SHISA8: variants seen among roughly 807,000 people sequenced by gnomAD.
SHISA8 encodes the protein protein shisa-8.
Under a neutral mutation model 21.1 loss-of-function variants are expected in SHISA8, and 21 were observed. The ratio of observed to expected loss-of-function variants is 0.99; its 90% CI spans 0.71 to 1.43. SHISA8 has a LOEUF of 1.43. SHISA8 is among the 40% of genes most tolerant of loss of function. The probability of loss-of-function intolerance (pLI) is 0.00; values close to 1 mark genes in which losing one functional copy is unlikely to be tolerated. For synonymous variants in SHISA8, 300 were observed against 291.4 expected (o/e 1.03, Z -0.30); for missense variants, 535 against 599.1 (o/e 0.89, Z 1.12).
At position 41,910,280 on chromosome 22, in the gene SHISA8, G is replaced by A; in HGVS notation, c.811+128C>T. The A allele has an allele frequency of 8.1e-7, 1 of 1,228,842 alleles. No individual in the cohort carries two copies. The allele number at this position is 1,228,842 out of a possible 1,614,324, so 76.1% of individuals were successfully genotyped here. A position where few individuals can be genotyped will look rare whatever the true frequency, so the allele number is the denominator to read the frequency against. ...CGGGGGCGGGGCCCGCTGGGGCGAG[G>A]GAGCCGATTGGCCGAGCGGCGGGCG... is the stretch of plus-strand genomic sequence containing the variant. On this transcript the variant is annotated intron_variant, in intron 3 of 3. Coordinates refer to ENST00000621082, the MANE Select transcript of SHISA8 (RefSeq NM_001207020.3). The surrounding 1 kb of genome is among the most constrained non-coding windows in gnomAD (Gnocchi z 6.8).
At chr22:41,912,184 G>T (rs1273272993) in intron 1 of SHISA8, among the ~76,000 whole-genome samples, 1 of 152,214 alleles carries the variant, frequency 6.6e-6, no homozygotes. Flanking sequence ...GGACCCACAG[G>T]CTGTGTGACC....
At position 41,910,590 on chromosome 22, in the gene SHISA8, C is replaced by A; in HGVS notation, c.665-36G>T. ...GAGTGAGACGCGGCTCGGTCCGATG[C>A]CCCGGTTCACTCCGCCCTCGCTGTC... On this transcript the variant is annotated intron_variant, in intron 2 of 3. Coordinates refer to ENST00000621082, the MANE Select transcript of SHISA8 (RefSeq NM_001207020.3). This position sits in a 1 kb window ranked among gnomAD's most constrained non-coding sequence, Gnocchi z 6.8. 3 of 1,218,204 alleles carry A rather than the reference C, an allele frequency of 2.5e-6. No individual in the cohort carries two copies. The highest frequency in any genetic ancestry group is 3.1e-6 in the Non-Finnish European group (3 of 978,612). The allele number at this position is 1,218,204 out of a possible 1,614,324, so 75.5% of individuals were successfully genotyped here.
At chr22:41,912,549 G>C (rs955555685) in intron 1 of SHISA8, among the ~76,000 whole-genome samples, 1 of 152,058 alleles carries the variant, frequency 6.6e-6, no homozygotes, top group Non-Finnish European at 1.5e-5. Context: ...TAACCACCAC[G>C]CCTCTGGGCC....
chr22:41,914,528 G>C lies in SHISA8; in HGVS notation c.140C>G (p.Ala47Gly). The change falls in exon 1 of 4, where the codon GCG becomes GGG. Residue 47 changes from alanine (A) to glycine (G), a missense_variant. Physicochemically the swap from Ala to Gly is moderately conservative, Grantham distance 60. Transcript: ENST00000621082. The surrounding 1 kb of genome is among the most constrained non-coding windows in gnomAD (Gnocchi z 6.8). Reference sequence around the variant, plus strand: ...CTCCGGGGCTGTCGTGCCGGGCGCCGCGGGACCCTGCGCCTCGGGGGCTCC... The same window carrying C: ...CTCCGGGGCTGTCGTGCCGGGCGCCCCGGGACCCTGCGCCTCGGGGGCTCC... The part of the protein sequence containing the change: ...RAGAPEAQGP[A>G]APGTTAPEGG... 1 of 1,206,442 alleles carries C rather than the reference G, an allele frequency of 8.3e-7. No homozygotes were observed. The highest frequency in any genetic ancestry group is 1.0e-6 in the Non-Finnish European group (1 of 971,902). 74.7% of individuals were successfully genotyped at this position (1,206,442 alleles called of 1,614,324 possible).
At position 41,910,137 on chromosome 22, in the gene SHISA8, C is replaced by T; in HGVS notation, c.822G>A (p.Pro274=). 8.1e-7 allele frequency: 1 copy of T among 1,237,028 alleles called. No individual in the cohort carries two copies. 76.6% of individuals were successfully genotyped at this position (1,237,028 alleles called of 1,614,324 possible). A position where few individuals can be genotyped will look rare whatever the true frequency, so the allele number is the denominator to read the frequency against. ...CGGGGAAACGCTGACAGAAGTCCCG[C>T]GGGGCGGCCTCTGCGGGGACAGGGC... The part of the protein sequence containing the change: ...AAALKAAEAA[P]RDFCQRFPAL... Residue 274 remains proline (P), a synonymous_variant, in exon 4 of 4, where the codon CCG becomes CCA. Transcript: ENST00000621082. This position sits in a 1 kb window ranked among gnomAD's most constrained non-coding sequence, Gnocchi z 6.8.
rs1312767022 is a variant in SHISA8 at position 41,910,184 on chromosome 22, G to A, written c.812-37C>T. 14 of 1,229,152 alleles carry A rather than the reference G, an allele frequency of 1.1e-5. No homozygotes were observed. In the Admixed American group the frequency reaches 4.7e-4, roughly 41 times the overall value. The allele number at this position is 1,229,152 out of a possible 1,614,324, so 76.1% of individuals were successfully genotyped here. ...GGGCAGGGAAGAGTGACGCCGCGCC[G>A]AGCACCCAAGCTCAGGACTGGACAA... On this transcript the variant is annotated intron_variant, in intron 3 of 3. Coordinates refer to ENST00000621082, the MANE Select transcript of SHISA8 (RefSeq NM_001207020.3). The surrounding 1 kb of genome is among the most constrained non-coding windows in gnomAD (Gnocchi z 6.8).
In SHISA8 at chr22:41,914,243, A is replaced by C; in HGVS notation, c.425T>G (p.Val142Gly). Reference protein sequence around the residue: ...DPGRERSHTAVYAVCGVAALL... With the variant: ...DPGRERSHTAGYAVCGVAALL... Reference sequence around the variant, plus strand: ...CGCTGCGACGCCGCACACAGCGTAGACGGCCGTATGGCTGCGCTCGCGGCC... The same window carrying C: ...CGCTGCGACGCCGCACACAGCGTAGCCGGCCGTATGGCTGCGCTCGCGGCC... The change falls in exon 1 of 4, where the codon GTC becomes GGC. Residue 142 changes from valine (V) to glycine (G), a missense_variant. Physicochemically the swap from Val to Gly is moderately radical, Grantham distance 109. Coordinates refer to ENST00000621082, the MANE Select transcript of SHISA8 (RefSeq NM_001207020.3). This position sits in a 1 kb window ranked among gnomAD's most constrained non-coding sequence, Gnocchi z 6.8. 7.2e-7 allele frequency: 1 copy of C among 1,384,156 alleles called. No homozygotes were observed. Among genetic ancestry groups the C allele is most frequent in the Admixed American group, 3.6e-5 (1 of 28,142 alleles). 85.7% of individuals were successfully genotyped at this position (1,384,156 alleles called of 1,614,324 possible).
rs113008623 is a variant in SHISA8, at chr22:41,910,783, C to A, written c.665-229G>T. On this transcript the variant is annotated intron_variant, in intron 2 of 3. Transcript: ENST00000621082. This position sits in a 1 kb window ranked among gnomAD's most constrained non-coding sequence, Gnocchi z 6.8. The stretch of plus-strand genomic sequence containing the variant: ...GCGGCAGCCAGCCCGGGGGGTGCCA[C>A]CCTCATGAACGGCTCGCCCGGAGGC... 0.021 allele frequency among the ~76,000 whole-genome samples: 3,168 copies of A among 152,218 alleles called. 115 individuals are homozygous for A. The highest frequency in any genetic ancestry group is 0.071 in the African/African-American group (2,957 of 41,534).
At chr22:41,911,802 A>G (rs1282499585) in intron 1 of SHISA8, among the ~76,000 whole-genome samples, 1 of 151,894 alleles carries the variant, frequency 6.6e-6, no homozygotes, top group African/African-American at 2.4e-5. Flanking sequence ...CTGGAGTGCA[A>G]TGGCGCAATC....
In SHISA8 at chr22:41,910,772, G is replaced by C. The variant is rs1314249397; in HGVS notation, c.665-218C>G. On this transcript the variant is annotated intron_variant, in intron 2 of 3. Coordinates refer to ENST00000621082, the MANE Select transcript of SHISA8 (RefSeq NM_001207020.3). The surrounding 1 kb of genome is among the most constrained non-coding windows in gnomAD (Gnocchi z 6.8). Reference sequence around the variant, plus strand: ...GCGCAGCGGCGGCGGCAGCCAGCCCGGGGGGTGCCACCCTCATGAACGGCT... The same window carrying C: ...GCGCAGCGGCGGCGGCAGCCAGCCCCGGGGGTGCCACCCTCATGAACGGCT... Among the ~76,000 whole-genome samples, 1 of 152,120 alleles carries C rather than the reference G, an allele frequency of 6.6e-6. No individual in the cohort carries two copies. The highest frequency in any genetic ancestry group is 1.5e-5 in the Non-Finnish European group (1 of 68,004).
rs1355607641 is a variant in SHISA8, at chr22:41,910,921, G to A, written c.664+295C>T. Reference sequence around the variant, plus strand: ...GCTGCCAAGCCTGCCTGCCTCTCGAGAGACCCAGGGGGAGGCTCTGGAGCC... The same window carrying A: ...GCTGCCAAGCCTGCCTGCCTCTCGAAAGACCCAGGGGGAGGCTCTGGAGCC... On this transcript the variant is annotated intron_variant, in intron 2 of 3. Transcript: ENST00000621082. The surrounding 1 kb of genome is among the most constrained non-coding windows in gnomAD (Gnocchi z 6.8). Among the ~76,000 whole-genome samples the A allele has an allele frequency of 6.6e-6, 1 of 152,118 alleles. No homozygotes were observed. The highest frequency in any genetic ancestry group is 1.5e-5 in the Non-Finnish European group (1 of 68,010).
chr22:41,914,334 G>C lies in SHISA8; in HGVS notation c.334C>G (p.Pro112Ala). The C allele has an allele frequency of 1.6e-6, 2 of 1,253,008 alleles. No individual in the cohort carries two copies. Among genetic ancestry groups the C allele is most frequent in the Non-Finnish European group, 2.0e-6 (2 of 999,854 alleles). 77.6% of individuals were successfully genotyped at this position (1,253,008 alleles called of 1,614,324 possible). A position where few individuals can be genotyped will look rare whatever the true frequency, so the allele number is the denominator to read the frequency against. The change falls in exon 1 of 4, where the codon CCG (proline) becomes GCG (alanine). Residue 112 changes from proline (P) to alanine (A), a missense_variant. Transcript: ENST00000621082. The surrounding 1 kb of genome is among the most constrained non-coding windows in gnomAD (Gnocchi z 6.8). ...GGCCGGCCTGTCTGGACCCAGGCCG[G>C]CGTGTCGTAGTTGGAACAGCGGCTC... ...DQSRCSNYDT[P>A]AWVQTGRPPA...
In SHISA8 at chr22:41,914,312, C is replaced by T; in HGVS notation, c.356G>A (p.Arg119Gln). The change falls in exon 1 of 4, where the codon CGG becomes CAG. Residue 119 changes from arginine to glutamine, a missense_variant. Physicochemically the swap from Arg to Gln is conservative, Grantham distance 43. Coordinates refer to ENST00000621082, the MANE Select transcript of SHISA8 (RefSeq NM_001207020.3). This position sits in a 1 kb window ranked among gnomAD's most constrained non-coding sequence, Gnocchi z 6.8. ...YDTPAWVQTG[R>Q]PPARARDTAA... is the part of the protein sequence containing the mutation. ...GGTGTCGCGGGCGCGGGCGGGCGGC[C>T]GGCCTGTCTGGACCCAGGCCGGCGT... is the stretch of plus-strand genomic sequence containing the variant. The T allele has an allele frequency of 8.0e-7, 1 of 1,242,330 alleles. No individual in the cohort carries two copies. Among genetic ancestry groups the T allele is most frequent in the Non-Finnish European group, 1.0e-6 (1 of 995,858 alleles). The allele number at this position is 1,242,330 out of a possible 1,614,324, so 77.0% of individuals were successfully genotyped here. A position where few individuals can be genotyped will look rare whatever the true frequency, so the allele number is the denominator to read the frequency against.
At position 41,914,138 on chromosome 22, in the gene SHISA8, C is replaced by G. The variant is rs2077568891; in HGVS notation, c.530G>C (p.Arg177Thr). Residue 177 changes from arginine (R) to threonine (T), a missense_variant and splice_region_variant, in exon 1 of 4, where the codon AGG (arginine) becomes ACG (threonine). Arg to Thr is a moderately conservative substitution (Grantham distance 71, BLOSUM62 -1). Coordinates refer to ENST00000621082, the MANE Select transcript of SHISA8 (RefSeq NM_001207020.3). This position sits in a 1 kb window ranked among gnomAD's most constrained non-coding sequence, Gnocchi z 6.8. ...GGGTCCCTGGGCGGCGCGTGCTCAC[C>G]TGGTCACTGTGCGCCGCGCGCGCGG... ...HSPRARRTVT[R>T]ALTELLKQPG... is the part of the protein sequence containing the mutation. 6.3e-6 allele frequency: 9 copies of G among 1,429,234 alleles called. No homozygotes were observed. The highest frequency in any genetic ancestry group is 1.5e-5 in the African/African-American group (1 of 66,348). 88.5% of individuals were successfully genotyped at this position (1,429,234 alleles called of 1,614,324 possible). A position where few individuals can be genotyped will look rare whatever the true frequency, so the allele number is the denominator to read the frequency against.
chr22:41,914,258 C>A lies in SHISA8; in HGVS notation c.410G>T (p.Arg137Leu). 1 of 1,316,184 alleles carries A rather than the reference C, an allele frequency of 7.6e-7. No homozygotes were observed. The highest frequency in any genetic ancestry group is 9.6e-7 in the Non-Finnish European group (1 of 1,039,000). The allele number at this position is 1,316,184 out of a possible 1,614,324, so 81.5% of individuals were successfully genotyped here. A position where few individuals can be genotyped will look rare whatever the true frequency, so the allele number is the denominator to read the frequency against. Reference protein sequence around the residue: ...TAAPRDPGRERSHTAVYAVCG... With the variant: ...TAAPRDPGRELSHTAVYAVCG... ...CACAGCGTAGACGGCCGTATGGCTG[C>A]GCTCGCGGCCGGGGTCCCGGGGCGC... The change falls in exon 1 of 4, where the codon CGC becomes CTC. Residue 137 changes from arginine to leucine, a missense_variant. Coordinates refer to ENST00000621082, the MANE Select transcript of SHISA8 (RefSeq NM_001207020.3). The surrounding 1 kb of genome is among the most constrained non-coding windows in gnomAD (Gnocchi z 6.8).
Position 41,910,189 on chromosome 22 carries a change from C to T in SHISA8, c.812-42G>A, listed in dbSNP as rs1232434826. Reference sequence around the variant, plus strand: ...GGGAAGAGTGACGCCGCGCCGAGCACCCAAGCTCAGGACTGGACAAGGGGT... The same window carrying T: ...GGGAAGAGTGACGCCGCGCCGAGCATCCAAGCTCAGGACTGGACAAGGGGT... On this transcript the variant is annotated intron_variant, in intron 3 of 3. Transcript: ENST00000621082. This position sits in a 1 kb window ranked among gnomAD's most constrained non-coding sequence, Gnocchi z 6.8. The T allele has an allele frequency of 2.4e-6, 3 of 1,228,930 alleles. No homozygotes were observed. The South Asian group carries it at 1.2e-4, about 49-fold the overall frequency. The allele number at this position is 1,228,930 out of a possible 1,614,324, so 76.1% of individuals were successfully genotyped here. A position where few individuals can be genotyped will look rare whatever the true frequency, so the allele number is the denominator to read the frequency against.
chr22:41,914,127 C>T lies in SHISA8; in HGVS notation c.530+11G>A, dbSNP rs890096541. 3.6e-6 allele frequency: 5 copies of T among 1,391,746 alleles called. No homozygotes were observed. Among genetic ancestry groups the T allele is most frequent in the South Asian group, 1.6e-5 (1 of 63,218 alleles). The allele number at this position is 1,391,746 out of a possible 1,614,324, so 86.2% of individuals were successfully genotyped here. On this transcript the variant is annotated intron_variant, in intron 1 of 3. Transcript: ENST00000621082. The surrounding 1 kb of genome is among the most constrained non-coding windows in gnomAD (Gnocchi z 6.8). ...GGAGCAGGCGGGGGTCCCTGGGCGG[C>T]GCGTGCTCACCTGGTCACTGTGCGC...
In SHISA8 at chr22:41,910,040, C is replaced by T. The variant is rs2077537840; in HGVS notation, c.919G>A (p.Asp307Asn). 4 of 1,260,224 alleles carry T rather than the reference C, an allele frequency of 3.2e-6. No individual in the cohort carries two copies. Among genetic ancestry groups the T allele is most frequent in the Non-Finnish European group, 4.0e-6 (4 of 1,008,502 alleles). The allele number at this position is 1,260,224 out of a possible 1,614,324, so 78.1% of individuals were successfully genotyped here. Residue 307 changes from aspartate to asparagine, a missense_variant, in exon 4 of 4, where the codon GAC becomes AAC. Transcript: ENST00000621082. The surrounding 1 kb of genome is among the most constrained non-coding windows in gnomAD (Gnocchi z 6.8). ...ACCGGCGGGGCCCAGGGGCAGGCGTCCAGCGGCGCAGGCAAGTCCGGGGAT... is the reference window on the plus strand; with the variant it reads ...ACCGGCGGGGCCCAGGGGCAGGCGTTCAGCGGCGCAGGCAAGTCCGGGGAT... ...RPSPDLPAPL[D>N]ACPWAPPVYA... is the part of the protein sequence containing the mutation.
At position 41,914,713 on chromosome 22, in the gene SHISA8, C is replaced by A; in HGVS notation, c.-46G>T. On this transcript the variant is annotated 5_prime_UTR_variant, in exon 1 of 4. Coordinates refer to ENST00000621082, the MANE Select transcript of SHISA8 (RefSeq NM_001207020.3). The surrounding 1 kb of genome is among the most constrained non-coding windows in gnomAD (Gnocchi z 6.8). ...CTGCGCCCGGTGCATGGCCGGGCGC[C>A]GCGGCTCCCTCCGGCTCGGCTCCTC... is the stretch of plus-strand genomic sequence containing the variant. The A allele has an allele frequency of 4.0e-6, 4 of 1,010,620 alleles. No individual in the cohort carries two copies. The highest frequency in any genetic ancestry group is 4.7e-6 in the Non-Finnish European group (4 of 846,496). The allele number at this position is 1,010,620 out of a possible 1,614,324, so 62.6% of individuals were successfully genotyped here.
Sources: allele counts gnomAD v4.1 joint callset (sites outside exome capture counted in the v4.1 genomes callset), GRCh38; gene constraint gnomAD v4.1.1; non-coding constraint Gnocchi (gnomAD v3.1); transcripts MANE v1.5; gene names NCBI Gene and HGNC (gene_info 2026-07-23, HGNC 2026-07-21).